The following TRERF1 variants were observed in gnomAD, a reference collection of about 807,000 sequenced individuals.
The protein encoded by TRERF1 is transcriptional-regulating factor 1.
A neutral mutation model predicts 122.9 loss-of-function variants in TRERF1; 27 were observed. That is an observed-to-expected ratio of 0.22 (90% CI 0.16 to 0.30). The LOEUF is 0.30. Among genes scored for constraint, TRERF1 ranks in the 10% least tolerant of loss-of-function variants. The probability of loss-of-function intolerance (pLI) is 1.00; values close to 1 mark genes in which losing one functional copy is unlikely to be tolerated. For synonymous variants in TRERF1, 636 were observed against 641.7 expected (o/e 0.99, Z 0.13); for missense variants, 1,248 against 1,560.3 (o/e 0.80, Z 3.37).
chr6:42,446,457 C>A (rs1005813347), intron 2 of TRERF1, among the ~76,000 whole-genome samples: 2 of 152,168 alleles, frequency 1.3e-5, no homozygotes, highest in Admixed American at 1.3e-4. Context: ...TGAAATCCAT[C>A]CAAGTCACTG....
intron 3 of TRERF1, among the ~76,000 whole-genome samples, chr6:42,326,761 T>C (rs775194250): frequency 6.6e-6 from 1 of 152,248 alleles, no homozygotes; most frequent in Non-Finnish European, 1.5e-5. Flanking sequence ...ACAATGCTCT[T>C]GTATTAGGTT....
In TRERF1 at chr6:42,434,668, C is replaced by CCACACAGACACACA. The variant is rs1554218672; in HGVS notation, c.-454+16508_-454+16509insTGTGTGTCTGTGTG. On this transcript the variant is annotated intron_variant, in intron 2 of 17. Transcript: ENST00000372922. ...CTGGAACACCAGCAGACACCCTCCA[C>CCACACAGACACACA]CACACACACACACACACACACACAC... Among the ~76,000 whole-genome samples the CCACACAGACACACA allele has an allele frequency of 5.1e-3, 592 of 114,994 alleles. 12 individuals carry two copies. Among genetic ancestry groups the CCACACAGACACACA allele is most frequent in the African/African-American group, 0.014 (501 of 34,978 alleles). The allele number at this position is 114,994 out of a possible 152,430, so 75.4% of individuals were successfully genotyped here.
At chr6:42,374,277 C>T (rs1774409706) in intron 2 of TRERF1, among the ~76,000 whole-genome samples, 1 of 152,216 alleles carries the variant, frequency 6.6e-6, no homozygotes, top group South Asian at 2.1e-4. Context: ...TCCTGGACCA[C>T]TGGCTATATC....
Position 42,264,972 on chromosome 6 carries a change from G to A in TRERF1, c.1485-118C>T, listed in dbSNP as rs79511996. On this transcript the variant is annotated intron_variant, in intron 6 of 17. Coordinates refer to ENST00000372922, the Ensembl canonical transcript of TRERF1. ...ATTTCATTCATCCAATGATCCCATT[G>A]TCCATGGCACCACTTGTATCACCCC... 484 of 1,130,798 alleles carry A rather than the reference G, an allele frequency of 4.3e-4. 3 individuals carry two copies. In the East Asian group the frequency reaches 9.9e-3, roughly 23 times the overall value. 70.0% of individuals were successfully genotyped at this position (1,130,798 alleles called of 1,614,324 possible).
chr6:42,269,190 T>G lies in TRERF1; in HGVS notation c.401A>C (p.Lys134Thr), dbSNP rs757522860. ...CTTGTGTAAGACACCGCTGGTAAGC[T>G]TCTGGGTCCGGATCTCGCTGGCCTG... The change falls in exon 5 of 18, where the codon AAG (lysine) becomes ACG (threonine). Residue 134 changes from lysine (K) to threonine (T), a missense_variant. By Grantham distance (78) the Lys-to-Thr change is moderately conservative. Transcript: ENST00000372922. This position sits in a 1 kb window ranked among gnomAD's most constrained non-coding sequence, Gnocchi z 4.9. The G allele has an allele frequency of 6.2e-7, 1 of 1,614,206 alleles. No individual in the cohort carries two copies. The highest frequency in any genetic ancestry group is 1.1e-5 in the South Asian group (1 of 91,086).
At chr6:42,246,389 C>G in intron 14 of TRERF1, 67 bp downstream of exon 14, 1 of 1,160,246 alleles carries the variant, frequency 8.6e-7, no homozygotes, top group Non-Finnish European at 1.3e-6. Context: ...CCAAATATTT[C>G]TAAATATTTT....
intron 8 of TRERF1, among the ~76,000 whole-genome samples, chr6:42,262,353 A>T (rs1460819714): frequency 1.3e-5 from 2 of 151,738 alleles, no homozygotes; most frequent in African/African-American, 4.8e-5. Flanking sequence ...TCCTAAGGAC[A>T]AATATGACCC....
chr6:42,239,086 T>C (rs1447427043), intron 15 of TRERF1, among the ~76,000 whole-genome samples: 1 of 152,176 alleles, frequency 6.6e-6, no homozygotes, highest in African/African-American at 2.4e-5. Flanking sequence ...GTAAATGGCT[T>C]AGAGATCCTA....
At chr6:42,255,936 G>A (rs1454033828) in intron 12 of TRERF1, among the ~76,000 whole-genome samples, 1 of 152,024 alleles carries the variant, frequency 6.6e-6, no homozygotes, top group Non-Finnish European at 1.5e-5. Flanking sequence ...TTCGAGACCA[G>A]CCTGGCCAAC....
intron 2 of TRERF1, among the ~76,000 whole-genome samples, chr6:42,382,258 C>A (rs946303590): frequency 6.6e-6 from 1 of 151,662 alleles, no homozygotes. Flanking sequence ...CAGGGTCTCA[C>A]CATGTGGGGA....
In TRERF1 at chr6:42,268,415, C is replaced by G. The variant is rs780200064; in HGVS notation, c.1176G>C (p.Gln392His). ...GCTGGTGCTGGGACAGGTGGCTCTG[C>G]TGGTAGAGGGGGTGGCTGTAGGGCT... The change falls in exon 5 of 18, where the codon CAG becomes CAC. Residue 392 changes from glutamine to histidine, a missense_variant. Physicochemically the swap from Gln to His is conservative, Grantham distance 24 (BLOSUM62 0). This residue lies in a region of TRERF1 where 946 missense variants were observed against 1,073.0 expected (regional missense o/e 0.88). Coordinates refer to ENST00000372922, the Ensembl canonical transcript of TRERF1. The surrounding 1 kb of genome is among the most constrained non-coding windows in gnomAD (Gnocchi z 4.4). 3.2e-6 allele frequency: 5 copies of G among 1,556,178 alleles called. No homozygotes were observed. The highest frequency in any genetic ancestry group is 1.9e-5 in the Admixed American group (1 of 52,846).
In TRERF1 at chr6:42,251,961, C is replaced by A. The variant is rs566819270; in HGVS notation, c.2656+2890G>T. On this transcript the variant is annotated intron_variant, in intron 13 of 17. Coordinates refer to ENST00000372922, the Ensembl canonical transcript of TRERF1. ...TGCAATCCATCTAATCACAACCAGG[C>A]TTCGTCTCCACCCTGACTCCCCCAT... Among the ~76,000 whole-genome samples, 16 of 152,352 alleles carry A rather than the reference C, an allele frequency of 1.1e-4. No homozygotes were observed. In the South Asian group the frequency reaches 3.3e-3, roughly 32 times the overall value.
intron 3 of TRERF1, among the ~76,000 whole-genome samples, chr6:42,349,051 G>A (rs1581722253): frequency 6.6e-6 from 1 of 152,104 alleles, no homozygotes; most frequent in East Asian, 1.9e-4. Flanking sequence ...TAAGTGCTTG[G>A]AACTGCAGAA....
At chr6:42,313,139 A>G (rs902962) in intron 3 of TRERF1, among the ~76,000 whole-genome samples, 4,193 of 152,262 alleles carry the variant, frequency 0.028, 198 homozygotes, top group East Asian at 0.25. Flanking sequence ...CTTTCCTTCC[A>G]GCCCACACTT....
chr6:42,381,855 A>G (rs1419361301), intron 2 of TRERF1, among the ~76,000 whole-genome samples: 1 of 147,858 alleles, frequency 6.8e-6, no homozygotes, highest in Non-Finnish European at 1.5e-5. Context: ...CCTGGAATCT[A>G]GTGTGCTGGC....
chr6:42,240,258 T>C (rs147249075), intron 15 of TRERF1, among the ~76,000 whole-genome samples: 3 of 152,368 alleles, frequency 2.0e-5, no homozygotes, highest in Non-Finnish European at 4.4e-5. Flanking sequence ...CAAACATTTA[T>C]TGAGTGACTG....
intron 2 of TRERF1, among the ~76,000 whole-genome samples, chr6:42,411,758 A>G (rs758320600): frequency 1.3e-5 from 2 of 152,076 alleles, no homozygotes; most frequent in African/African-American, 4.8e-5. Flanking sequence ...CAGAGAACCA[A>G]CGTGTAGTGA....
At chr6:42,422,288 G>A (rs1782890045) in intron 2 of TRERF1, among the ~76,000 whole-genome samples, 1 of 152,116 alleles carries the variant, frequency 6.6e-6, no homozygotes, top group Non-Finnish European at 1.5e-5. Context: ...GGGAGGCCAA[G>A]GCAGGCAGAT....
rs1322621963 is a variant in TRERF1, at chr6:42,275,626, G to C, written c.-258-5778C>G. ...CTCACTGAACTGCAACACTGCGCTA[G>C]GCAAAGGAGACCTAGAGTGGCTTGT... On this transcript the variant is annotated intron_variant, in intron 4 of 17. Transcript: ENST00000372922. This position sits in a 1 kb window ranked among gnomAD's most constrained non-coding sequence, Gnocchi z 4.1. Among the ~76,000 whole-genome samples, 1 of 152,224 alleles carries C rather than the reference G, an allele frequency of 6.6e-6. No homozygotes were observed. Among genetic ancestry groups the C allele is most frequent in the Non-Finnish European group, 1.5e-5 (1 of 68,038 alleles).
Sources: allele counts gnomAD v4.1 joint callset (sites outside exome capture counted in the v4.1 genomes callset), GRCh38; gene constraint gnomAD v4.1.1; regional missense constraint gnomAD v4.1.1; non-coding constraint Gnocchi (gnomAD v3.1); transcripts MANE v1.5; gene names NCBI Gene and HGNC (gene_info 2026-07-23, HGNC 2026-07-21).